TMEM163: variants seen among roughly 807,000 people sequenced by gnomAD.
The protein encoded by TMEM163 is transmembrane protein 163.
In TMEM163, 17 loss-of-function variants were observed where a neutral mutation model predicts 29.3. The ratio of observed to expected loss-of-function variants is 0.58; its 90% CI spans 0.40 to 0.87. The LOEUF is 0.87. Ranked by LOEUF, TMEM163 falls within the 40% of genes least tolerant of loss-of-function variation. The pLI, the probability that TMEM163 is intolerant of heterozygous loss-of-function variation, is 0.00. For missense variants in TMEM163, 303 were observed against 381.5 expected, an observed-to-expected ratio of 0.79 and a Z score of 1.71; for synonymous variants, 157 against 160.6, an observed-to-expected ratio of 0.98 and a Z score of 0.17.
intron 2 of TMEM163, among the ~76,000 whole-genome samples, chr2:134,635,772 G>C (rs1683090371): frequency 6.6e-6 from 1 of 152,106 alleles, no homozygotes; most frequent in South Asian, 2.1e-4. Flanking sequence ...ATGAACAGGG[G>C]ATCTCAGCCA....
At chr2:134,577,996 A>C (rs1318216455) in intron 2 of TMEM163, among the ~76,000 whole-genome samples, 2 of 152,142 alleles carry the variant, frequency 1.3e-5, no homozygotes, top group African/African-American at 4.8e-5. Flanking sequence ...GGCATCCAGG[A>C]ATTTTTGTAT....
intron 4 of TMEM163, among the ~76,000 whole-genome samples, chr2:134,504,055 C>A (rs1281731983): frequency 6.6e-6 from 1 of 152,192 alleles, no homozygotes; most frequent in Non-Finnish European, 1.5e-5. Context: ...CAATCTTGCT[C>A]CAACTATCAA....
intron 2 of TMEM163, among the ~76,000 whole-genome samples, chr2:134,589,796 C>T (rs1681902394): frequency 6.6e-6 from 1 of 152,194 alleles, no homozygotes; most frequent in African/African-American, 2.4e-5. Context: ...TGGACTCGCC[C>T]TGAATTCTTT....
intron 2 of TMEM163, among the ~76,000 whole-genome samples, chr2:134,674,330 A>G (rs1684057594): frequency 6.7e-6 from 1 of 148,674 alleles, no homozygotes; most frequent in South Asian, 2.1e-4. Context: ...AAATCAAAAT[A>G]GAGTCATTAA....
chr2:134,456,914 AT>A, intron 7 of TMEM163, 138 bp from the exon 8 acceptor site: 1 of 834,012 alleles, frequency 1.2e-6, no homozygotes, highest in Non-Finnish European at 1.9e-6. Flanking sequence ...GGTTTTTAGT[AT>A]ATTCATCCAT....
At chr2:134,593,856 G>A (rs920382813) in intron 2 of TMEM163, among the ~76,000 whole-genome samples, 58 of 150,878 alleles carry the variant, frequency 3.8e-4, no homozygotes, top group Admixed American at 5.9e-4. Context: ...GTAAGATGCC[G>A]GCTGCCTTGT....
At chr2:134,484,564 C>T (rs1345846820) in intron 5 of TMEM163, among the ~76,000 whole-genome samples, 1 of 152,114 alleles carries the variant, frequency 6.6e-6, no homozygotes, top group Admixed American at 6.6e-5. Context: ...GTCCCAGCTA[C>T]TCAGGAGGCT....
At chr2:134,641,830 T>C (rs1166642304) in intron 2 of TMEM163, among the ~76,000 whole-genome samples, 1 of 152,190 alleles carries the variant, frequency 6.6e-6, no homozygotes, top group African/African-American at 2.4e-5. Context: ...ATGTGCTATC[T>C]ACAGACTACT....
intron 2 of TMEM163, among the ~76,000 whole-genome samples, chr2:134,635,059 G>A (rs540053154): frequency 6.6e-6 from 1 of 152,356 alleles, no homozygotes; most frequent in East Asian, 1.9e-4. Context: ...GATGGAGAAG[G>A]GGACAGGAGG....
chr2:134,700,935 TA>T (rs1307432931), intron 2 of TMEM163, among the ~76,000 whole-genome samples: 103 of 145,016 alleles, frequency 7.1e-4, no homozygotes, highest in Admixed American at 2.4e-3. Context: ...AATAAATAAA[TA>T]AATAAATAAA....
chr2:134,678,791 T>G (rs1035225041), intron 2 of TMEM163, among the ~76,000 whole-genome samples: 2 of 152,242 alleles, frequency 1.3e-5, no homozygotes, highest in East Asian at 1.9e-4. Context: ...CAGAATAAAT[T>G]AATCATCTCA....
intron 5 of TMEM163, among the ~76,000 whole-genome samples, chr2:134,472,379 A>G (rs1019328801): frequency 7.9e-5 from 12 of 152,254 alleles, no homozygotes; most frequent in African/African-American, 2.2e-4. Context: ...AATTTTAAAC[A>G]TATGAAAAAG....
intron 4 of TMEM163, among the ~76,000 whole-genome samples, chr2:134,534,175 C>T (rs938328061): frequency 2.0e-5 from 3 of 152,116 alleles, no homozygotes; most frequent in Admixed American, 6.5e-5. Flanking sequence ...GAGTAAATAT[C>T]AGGGTCAGGT....
chr2:134,575,930 C>T (rs1463411965), intron 2 of TMEM163, among the ~76,000 whole-genome samples: 5 of 152,000 alleles, frequency 3.3e-5, no homozygotes, highest in Admixed American at 6.6e-5. Context: ...CAGAGGTGAG[C>T]CCAGGATGCA....
At chr2:134,653,707 C>T (rs1180016855) in intron 2 of TMEM163, among the ~76,000 whole-genome samples, 1 of 86,136 alleles carries the variant, frequency 1.2e-5, no homozygotes. Flanking sequence ...TCCCTCTACA[C>T]ACTGCTTTGA....
intron 2 of TMEM163, among the ~76,000 whole-genome samples, chr2:134,558,899 T>G (rs956211112): frequency 8.5e-5 from 13 of 152,188 alleles, no homozygotes; most frequent in African/African-American, 3.1e-4. Flanking sequence ...CTACTTTAAT[T>G]GGACAGCCTC....
At chr2:134,540,006 G>A (rs1000736452) in intron 4 of TMEM163, among the ~76,000 whole-genome samples, 9 of 152,192 alleles carry the variant, frequency 5.9e-5, no homozygotes, top group South Asian at 2.1e-4. Context: ...GCAGCTGACC[G>A]AGGGCAGCAG....
At chr2:134,695,376 C>G (rs1173426705) in intron 2 of TMEM163, among the ~76,000 whole-genome samples, 2 of 150,928 alleles carry the variant, frequency 1.3e-5, no homozygotes, top group Non-Finnish European at 2.9e-5. Context: ...CGTGCCCGGG[C>G]AAATTTTTAA....
chr2:134,553,252 C>T (rs1680971808), intron 2 of TMEM163, among the ~76,000 whole-genome samples: 2 of 152,192 alleles, frequency 1.3e-5, no homozygotes, highest in African/African-American at 4.8e-5. Context: ...CCTACATGGA[C>T]TTCCATCAGC....
Sources: allele counts gnomAD v4.1 joint callset (sites outside exome capture counted in the v4.1 genomes callset), GRCh38; gene constraint gnomAD v4.1.1; transcripts MANE v1.5; gene names NCBI Gene and HGNC (gene_info 2026-07-23, HGNC 2026-07-21).